Variants in CFTR observed in about 807,000 individuals in gnomAD.
The protein encoded by CFTR is CF transmembrane conductance regulator.
Under a neutral mutation model 171.6 loss-of-function variants are expected in CFTR, and 181 were observed. The observed-to-expected ratio is 1.05, with a 90% CI of 0.93 to 1.19. The LOEUF is 1.19. Ranked by LOEUF, CFTR falls within the 50% of genes most tolerant of loss-of-function variation. The pLI, the probability that CFTR is intolerant of heterozygous loss-of-function variation, is 0.00. For missense variants in CFTR, 1,968 were observed against 1,734.7 expected, an observed-to-expected ratio of 1.13 and a Z score of -2.39; for synonymous variants, 583 against 608.0, an observed-to-expected ratio of 0.96 and a Z score of 0.60.
intron 15 of CFTR, among the ~76,000 whole-genome samples, chr7:117,600,614 A>T (rs2246450): frequency 0.47 from 71,451 of 151,722 alleles, 19,907 homozygotes; most frequent in African/African-American, 0.79. Context: ...TAATAGTAAT[A>T]ATTTTAGGGC....
chr7:117,597,721 A>G (rs1262494148), intron 15 of CFTR, among the ~76,000 whole-genome samples: 2 of 152,164 alleles, frequency 1.3e-5, no homozygotes, highest in African/African-American at 4.8e-5. Flanking sequence ...TAGAGATTCA[A>G]ATCACACACT....
intron 22 of CFTR, among the ~76,000 whole-genome samples, chr7:117,640,463 G>C (rs1381514556): frequency 6.6e-6 from 1 of 152,068 alleles, no homozygotes; most frequent in Non-Finnish European, 1.5e-5. Flanking sequence ...GAAGAAAAGG[G>C]AACATGGACA....
chr7:117,497,097 T>G (rs1798252622), intron 1 of CFTR, among the ~76,000 whole-genome samples: 1 of 152,150 alleles, frequency 6.6e-6, no homozygotes, highest in African/African-American at 2.4e-5. Flanking sequence ...ATATGGCAAA[T>G]TGGATACATG....
chr7:117,518,900 G>A (rs1305277585), intron 3 of CFTR, among the ~76,000 whole-genome samples: 2 of 152,078 alleles, frequency 1.3e-5, no homozygotes, highest in Admixed American at 6.6e-5. Flanking sequence ...CTAGATTCTA[G>A]TATTACTTTA....
intron 22 of CFTR, among the ~76,000 whole-genome samples, chr7:117,630,214 C>T (rs1017542211): frequency 6.6e-6 from 1 of 152,124 alleles, no homozygotes; most frequent in African/African-American, 2.4e-5. Context: ...AAGAGCCCTC[C>T]CTCCAAATTT....
At chr7:117,634,711 T>C (rs1792799996) in intron 22 of CFTR, among the ~76,000 whole-genome samples, 1 of 152,146 alleles carries the variant, frequency 6.6e-6, no homozygotes, top group Non-Finnish European at 1.5e-5. Flanking sequence ...TTTTGACCCA[T>C]GTGTTACTTA....
At chr7:117,602,558 C>A (rs1343737465) in intron 15 of CFTR, among the ~76,000 whole-genome samples, 3 of 152,142 alleles carry the variant, frequency 2.0e-5, no homozygotes, top group African/African-American at 7.2e-5. Context: ...TCAATAGTTT[C>A]TATTGAGTAA....
At chr7:117,636,006 CT>C (rs1584833597) in intron 22 of CFTR, among the ~76,000 whole-genome samples, 1 of 152,062 alleles carries the variant, frequency 6.6e-6, no homozygotes, top group East Asian at 1.9e-4. Flanking sequence ...TATAATTTTC[CT>C]TTTCTCTCTT....
chr7:117,602,963 A>G, intron 16 of CFTR, 100 bp downstream of exon 16: 12 of 1,120,256 alleles, frequency 1.1e-5, no homozygotes, highest in Non-Finnish European at 1.6e-5. Context: ...ACTTTGTTTC[A>G]TTTCTCCCAA....
intron 22 of CFTR, among the ~76,000 whole-genome samples, chr7:117,635,155 G>A (rs1421565236): frequency 6.6e-6 from 1 of 152,082 alleles, no homozygotes; most frequent in Admixed American, 6.6e-5. Context: ...TACACATGAA[G>A]AATTGGTATG....
At chr7:117,574,484 C>CCAATG (rs1347676735) in intron 11 of CFTR, among the ~76,000 whole-genome samples, 3 of 151,958 alleles carry the variant, frequency 2.0e-5, no homozygotes, top group African/African-American at 7.2e-5. Context: ...GAAAAGGAGG[C>CCAATG]CAAATACATT....
chr7:117,506,962 C>T (rs528089643), intron 2 of CFTR, among the ~76,000 whole-genome samples: 68 of 152,164 alleles, frequency 4.5e-4, no homozygotes, highest in Admixed American at 1.2e-3. Context: ...TTCATAACTG[C>T]CTTGTGACCA....
chr7:117,576,997 A>G (rs1288445225), intron 11 of CFTR, among the ~76,000 whole-genome samples: 3 of 152,164 alleles, frequency 2.0e-5, no homozygotes, highest in Admixed American at 6.6e-5. Flanking sequence ...AGGTAGAGAT[A>G]TGTGAACAGA....
At chr7:117,593,537 C>T (rs1307924928) in intron 14 of CFTR, among the ~76,000 whole-genome samples, 1 of 152,062 alleles carries the variant, frequency 6.6e-6, no homozygotes, top group Admixed American at 6.5e-5. Context: ...TTTAGTATTT[C>T]TAAACTTTAT....
At chr7:117,499,427 A>T (rs1798286191) in intron 1 of CFTR, among the ~76,000 whole-genome samples, 1 of 77,722 alleles carries the variant, frequency 1.3e-5, no homozygotes, top group Non-Finnish European at 2.3e-5. Flanking sequence ...CTATAGTTTC[A>T]TCTGTGTGTG....
intron 22 of CFTR, among the ~76,000 whole-genome samples, chr7:117,628,167 T>C (rs1053716700): frequency 3.9e-5 from 6 of 152,200 alleles, no homozygotes; most frequent in Non-Finnish European, 8.8e-5. Context: ...AAACAAGTGA[T>C]ACTTTTTTTC....
At chr7:117,567,364 A>T (rs1791619311) in intron 11 of CFTR, among the ~76,000 whole-genome samples, 1 of 152,236 alleles carries the variant, frequency 6.6e-6, no homozygotes, top group Non-Finnish European at 1.5e-5. Context: ...CTCTATAGCC[A>T]TAGAAAAATA....
In CFTR at chr7:117,592,278, C is replaced by G. The variant is rs776162972; in HGVS notation, c.2111C>G (p.Pro704Arg). 1.2e-6 allele frequency: 2 copies of G among 1,613,998 alleles called. No homozygotes were observed. Among genetic ancestry groups the G allele is most frequent in the East Asian group, 4.5e-5 (2 of 44,888 alleles). Reference sequence around the variant, plus strand: ...AAAAGGAAGAATTCTATTCTCAATCCAATCAACTCTATACGAAAATTTTCC... The same window carrying G: ...AAAAGGAAGAATTCTATTCTCAATCGAATCAACTCTATACGAAAATTTTCC... ...GEKRKNSILNPINSIRKFSIV... is the reference protein window; with the variant it reads ...GEKRKNSILNRINSIRKFSIV... Residue 704 changes from proline (P) to arginine (R), a missense_variant, in exon 14 of 27, where the codon CCA becomes CGA. By Grantham distance (103) the Pro-to-Arg change is moderately radical. Transcript: ENST00000003084.
intron 15 of CFTR, among the ~76,000 whole-genome samples, chr7:117,601,546 T>G (rs1792225278): frequency 6.6e-6 from 1 of 152,138 alleles, no homozygotes; most frequent in Admixed American, 6.5e-5. Context: ...TGTTAAATAT[T>G]TAAGGCAAAT....
Sources: allele counts gnomAD v4.1 joint callset (sites outside exome capture counted in the v4.1 genomes callset), GRCh38; gene constraint gnomAD v4.1.1; transcripts MANE v1.5; gene names NCBI Gene and HGNC (gene_info 2026-07-23, HGNC 2026-07-21).